RALYL: variants seen among roughly 807,000 people sequenced by gnomAD.
RALYL encodes the protein RNA-binding Raly-like protein.
Under a neutral mutation model 35.1 loss-of-function variants are expected in RALYL, and 29 were observed. The observed-to-expected ratio is 0.83, with a 90% CI of 0.61 to 1.13. The LOEUF (loss-of-function observed/expected upper bound fraction) is 1.13, where lower values mean the gene tolerates loss of function less well. RALYL is among the 50% of genes most tolerant of loss of function. The pLI is 0.00. For synonymous variants in RALYL, 120 were observed against 127.6 expected (o/e 0.94, Z 0.40); for missense variants, 359 against 360.4 (o/e 1.00, Z 0.03).
intron 1 of RALYL, among the ~76,000 whole-genome samples, chr8:84,528,015 T>C (rs780680899): frequency 9.2e-5 from 14 of 152,174 alleles, no homozygotes; most frequent in Non-Finnish European, 1.9e-4. Flanking sequence ...TTTAAATGCA[T>C]AATAAGTACA....
At chr8:84,558,821 T>A (rs1415265062) in intron 2 of RALYL, among the ~76,000 whole-genome samples, 1 of 152,118 alleles carries the variant, frequency 6.6e-6, no homozygotes, top group Non-Finnish European at 1.5e-5. Context: ...ACTTTCTGAT[T>A]TTGTCCTTGG....
chr8:84,563,595 C>T lies in RALYL; in HGVS notation c.256+34018C>T, dbSNP rs991298812. On this transcript the variant is annotated intron_variant, in intron 2 of 8. Transcript: ENST00000521268. ...TTTTTTTTTTTAAATTACCAGCGGT[C>T]GATATAGCACAGCGAACCTAGATCT... 4.6e-5 allele frequency among the ~76,000 whole-genome samples: 7 copies of T among 151,130 alleles called. No homozygotes were observed. In the South Asian group the frequency reaches 8.3e-4, roughly 18 times the overall value.
At chr8:84,358,440 T>A (rs1852298191) in intron 1 of RALYL, among the ~76,000 whole-genome samples, 1 of 151,986 alleles carries the variant, frequency 6.6e-6, no homozygotes, top group Non-Finnish European at 1.5e-5. Flanking sequence ...TAAAATGGCC[T>A]ACTAGGAATA....
intron 1 of RALYL, among the ~76,000 whole-genome samples, chr8:84,357,428 C>T (rs1852063957): frequency 6.6e-6 from 1 of 151,918 alleles, no homozygotes; most frequent in Non-Finnish European, 1.5e-5. Flanking sequence ...AATAATTTCT[C>T]ATTATATGCC....
At chr8:84,829,255 C>T (rs915150632) in intron 4 of RALYL, 3 of 152,232 alleles carry the variant, frequency 2.0e-5, no homozygotes, top group African/African-American at 4.8e-5. Flanking sequence ...AGTTACCTCC[C>T]ACTGGCTCCC....
chr8:84,266,907 C>G (rs1188318953), intron 1 of RALYL, among the ~76,000 whole-genome samples: 1 of 149,266 alleles, frequency 6.7e-6, no homozygotes, highest in Non-Finnish European at 1.5e-5. Context: ...TTGCAGTGAG[C>G]CGAGATCGCG....
At chr8:84,441,398 G>A (rs568847608) in intron 1 of RALYL, among the ~76,000 whole-genome samples, 1 of 152,144 alleles carries the variant, frequency 6.6e-6, no homozygotes, top group Non-Finnish European at 1.5e-5. Context: ...ACAGAGTCCA[G>A]TGTAGCAACT....
intron 1 of RALYL, among the ~76,000 whole-genome samples, chr8:84,235,048 C>T (rs1336482081): frequency 4.6e-5 from 7 of 152,100 alleles, no homozygotes; most frequent in Non-Finnish European, 1.0e-4. Context: ...CAGACGTGAG[C>T]CACCGCGCCG....
At chr8:84,399,756 C>A (rs758256748) in intron 1 of RALYL, among the ~76,000 whole-genome samples, 5 of 151,992 alleles carry the variant, frequency 3.3e-5, no homozygotes, top group Non-Finnish European at 7.4e-5. Flanking sequence ...AAAGGATTAC[C>A]CATTAGCCCA....
intron 6 of RALYL, among the ~76,000 whole-genome samples, chr8:84,864,228 G>A (rs578126617): frequency 1.1e-4 from 16 of 151,818 alleles, no homozygotes; most frequent in African/African-American, 2.7e-4. Flanking sequence ...TGTAAGATGC[G>A]ACAGTCTTGA....
intron 2 of RALYL, among the ~76,000 whole-genome samples, chr8:84,689,690 AC>A (rs1403083225): frequency 1.3e-5 from 2 of 152,268 alleles, no homozygotes; most frequent in East Asian, 1.9e-4. Context: ...TTACAGTCCC[AC>A]CAACAGTGTA....
At chr8:84,853,170 G>C (rs1224969561) in intron 5 of RALYL, among the ~76,000 whole-genome samples, 1 of 152,150 alleles carries the variant, frequency 6.6e-6, no homozygotes, top group Non-Finnish European at 1.5e-5. Flanking sequence ...ATGCAGCCCA[G>C]CAAGTCCCAG....
chr8:84,709,979 T>G (rs1841896564), intron 2 of RALYL, among the ~76,000 whole-genome samples: 1 of 152,062 alleles, frequency 6.6e-6, no homozygotes, highest in Non-Finnish European at 1.5e-5. Context: ...AATAATCGCT[T>G]GAACCCAAGA....
At chr8:84,255,098 T>G (rs1052606911) in intron 1 of RALYL, among the ~76,000 whole-genome samples, 5 of 152,134 alleles carry the variant, frequency 3.3e-5, no homozygotes, top group African/African-American at 4.8e-5. Context: ...TAAGTCAGTT[T>G]CGTATCACAA....
intron 1 of RALYL, among the ~76,000 whole-genome samples, chr8:84,284,650 C>A (rs992515121): frequency 5.9e-5 from 9 of 152,220 alleles, no homozygotes; most frequent in East Asian, 3.9e-4. Flanking sequence ...AGTGCTTTAA[C>A]CTTATCACAG....
chr8:84,632,209 T>TGACTTG (rs1332571866), intron 2 of RALYL, among the ~76,000 whole-genome samples: 1 of 151,910 alleles, frequency 6.6e-6, no homozygotes, highest in African/African-American at 2.4e-5. Context: ...GCCAGTGGCT[T>TGACTTG]GACTTGGACC....
In RALYL at chr8:84,873,307, A is replaced by G; in HGVS notation, c.595A>G (p.Ile199Val). ...AGTGAAATCAGATGAGTTACAGACC[A>G]TCAAGAAAGAATTAACCCAGATCAA... ...SKLKSDELQT[I>V]KKELTQIKTK... Residue 199 changes from isoleucine (I) to valine (V), a missense_variant, in exon 7 of 9, where the codon ATC becomes GTC. Physicochemically the swap from Ile to Val is conservative, Grantham distance 29. Coordinates refer to ENST00000521268, the MANE Select transcript of RALYL (RefSeq NM_173848.7). 6.3e-7 allele frequency: 1 copy of G among 1,593,450 alleles called. No homozygotes were observed. Among genetic ancestry groups the G allele is most frequent in the Non-Finnish European group, 8.6e-7 (1 of 1,168,598 alleles).
At chr8:84,321,289 T>C (rs2130393949) in intron 1 of RALYL, among the ~76,000 whole-genome samples, 1 of 152,210 alleles carries the variant, frequency 6.6e-6, no homozygotes, top group African/African-American at 2.4e-5. Context: ...CTGAATAAAC[T>C]GAAAATCAAT....
At chr8:84,709,248 G>C (rs1046859902) in intron 2 of RALYL, among the ~76,000 whole-genome samples, 7 of 151,940 alleles carry the variant, frequency 4.6e-5, no homozygotes, top group Non-Finnish European at 1.5e-5. Context: ...CCCTCATCAG[G>C]TCATTCCCCT....
Sources: allele counts gnomAD v4.1 joint callset (sites outside exome capture counted in the v4.1 genomes callset), GRCh38; gene constraint gnomAD v4.1.1; transcripts MANE v1.5; gene names NCBI Gene and HGNC (gene_info 2026-07-23, HGNC 2026-07-21).